The following TAC4 variants were observed in gnomAD, a reference collection of about 807,000 sequenced individuals.
TAC4 encodes tachykinin-4.
TAC4 carries 17 observed loss-of-function variants against 17.7 expected under a neutral mutation model. That is an observed-to-expected ratio of 0.96 (90% CI 0.66 to 1.44). TAC4 has a LOEUF of 1.44. Among genes scored for constraint, TAC4 ranks in the 40% most tolerant of loss-of-function variants. TAC4 has a pLI of 0.00. For synonymous variants in TAC4, 62 were observed against 52.4 expected, an observed-to-expected ratio of 1.18 and a Z score of -0.79; for missense variants, 118 against 125.6, an observed-to-expected ratio of 0.94 and a Z score of 0.29.
At chr17:49,846,898 C>A in intron 1 of TAC4, 1 of 1,218,062 alleles carries the variant, frequency 8.2e-7, no homozygotes, top group Non-Finnish European at 1.1e-6. Context: ...TGGAGAAAAG[C>A]CTTGGGGGGT....
At chr17:49,846,102 G>T (rs147716684) in intron 1 of TAC4, 28 of 735,398 alleles carry the variant, frequency 3.8e-5, no homozygotes, top group East Asian at 1.5e-4. Flanking sequence ...TGTGCCTGGT[G>T]GGGGGGCATT....
Position 49,841,592 on chromosome 17 carries a change from A to G in TAC4, c.200-8T>C. The G allele has an allele frequency of 6.4e-7, 1 of 1,568,156 alleles. No homozygotes were observed. Among genetic ancestry groups the G allele is most frequent in the Non-Finnish European group, 8.6e-7 (1 of 1,158,350 alleles). ...GCTGGATCAGAGGTCTTCCTGGGGG[A>G]AGGAGAAGGAATGAGGACTACGGAC... On this transcript the variant is annotated splice_region_variant and splice_polypyrimidine_tract_variant and intron_variant, in intron 2 of 4. Transcript: ENST00000436235.
Position 49,847,938 on chromosome 17 carries a change from G to A in TAC4, c.80C>T (p.Thr27Ile). 6.2e-7 allele frequency: 1 copy of A among 1,614,162 alleles called. No individual in the cohort carries two copies. Among genetic ancestry groups the A allele is most frequent in the Non-Finnish European group, 8.5e-7 (1 of 1,180,034 alleles). Residue 27 changes from threonine to isoleucine, a missense_variant, in exon 1 of 5, where the codon ACA (threonine) becomes ATA (isoleucine). By Grantham distance (89) the Thr-to-Ile change is moderately conservative (BLOSUM62 -1). Transcript: ENST00000436235. ...CCAGGTCTCTGCTTCAGTGCTGAGT[G>A]TCTGTTCCTCTCCACCATCACCTGC... ...TVAGDGGEEQ[T>I]LSTEAETWEG...
intron 1 of TAC4, chr17:49,847,470 G>T (rs1286205682): frequency 1.3e-5 from 5 of 376,294 alleles, no homozygotes; most frequent in East Asian, 7.4e-5. Context: ...TCAGACCTTG[G>T]GCAAAGTGTG....
intron 2 of TAC4, among the ~76,000 whole-genome samples, chr17:49,842,764 A>G (rs2074508379): frequency 6.6e-6 from 1 of 152,234 alleles, no homozygotes; most frequent in African/African-American, 2.4e-5. Context: ...TCCTTGAAGT[A>G]ACCACTGTTT....
chr17:49,847,700 C>T (rs866564978), intron 1 of TAC4: 2 of 543,190 alleles, frequency 3.7e-6, no homozygotes, highest in Admixed American at 6.2e-5. Context: ...CAGACACACA[C>T]ACACACACAC....
chr17:49,843,625 G>A (rs1448233717), intron 2 of TAC4, among the ~76,000 whole-genome samples: 1 of 152,136 alleles, frequency 6.6e-6, no homozygotes, highest in Non-Finnish European at 1.5e-5. Context: ...ATGGAGTCTC[G>A]CTTTGTCGCC....
chr17:49,847,549 T>G, intron 1 of TAC4: 1 of 343,914 alleles, frequency 2.9e-6, no homozygotes, highest in Non-Finnish European at 5.6e-6. Flanking sequence ...AGTTTCCTTA[T>G]TTGTGAAATG....
intron 4 of TAC4, among the ~76,000 whole-genome samples, chr17:49,838,894 A>T (rs1188754176): frequency 1.3e-5 from 2 of 152,008 alleles, no homozygotes; most frequent in Admixed American, 6.6e-5. Context: ...ACCCTCAGTT[A>T]CCCTCTTTAA....
Position 49,839,868 on chromosome 17 carries a change from T to C in TAC4, c.274A>G (p.Arg92Gly). The C allele has an allele frequency of 6.2e-7, 1 of 1,612,190 alleles. No homozygotes were observed. ...EHTFQGLLGK[R>G]SLFTEGREDE... ...TGCCTACCTTCTGTGAACAGGCTTC[T>C]CTTGCCCAGGAGGCCCTGGAACGTG... is the stretch of plus-strand genomic sequence containing the variant. The change falls in exon 4 of 5, where the codon AGA becomes GGA. Residue 92 changes from arginine to glycine, a missense_variant. Physicochemically the swap from Arg to Gly is moderately radical, Grantham distance 125 (BLOSUM62 -2). Transcript: ENST00000436235.
intron 1 of TAC4, among the ~76,000 whole-genome samples, chr17:49,845,434 G>C (rs191819541): frequency 6.6e-6 from 1 of 152,224 alleles, no homozygotes; most frequent in Non-Finnish European, 1.5e-5. Flanking sequence ...AGTTGAGAGA[G>C]TGACAGTGGG....
chr17:49,846,296 A>C, intron 1 of TAC4: 1 of 1,085,640 alleles, frequency 9.2e-7, no homozygotes, highest in South Asian at 1.3e-5. Flanking sequence ...TTTTTTTTTG[A>C]GACAGGGTCT....
intron 1 of TAC4, chr17:49,846,984 C>T (rs944185889): frequency 3.1e-6 from 4 of 1,289,958 alleles, no homozygotes; most frequent in African/African-American, 1.5e-5. Flanking sequence ...ACACTCCTAG[C>T]CCTGCTGCCC....
In TAC4 at chr17:49,838,547, A is replaced by T; in HGVS notation, c.*95T>A. The T allele has an allele frequency of 6.7e-7, 1 of 1,487,392 alleles. No individual in the cohort carries two copies. Among genetic ancestry groups the T allele is most frequent in the Non-Finnish European group, 9.4e-7 (1 of 1,066,714 alleles). The allele number at this position is 1,487,392 out of a possible 1,614,324, so 92.1% of individuals were successfully genotyped here. A position where few individuals can be genotyped will look rare whatever the true frequency, so the allele number is the denominator to read the frequency against. On this transcript the variant is annotated 3_prime_UTR_variant, in exon 5 of 5. Coordinates refer to ENST00000436235, the MANE Select transcript of TAC4 (RefSeq NM_001077506.2). ...AGTGCCAGCGATGAGGACAGGAGAC[A>T]CAGAGAAGAGAGTTGGCCTGCCGGC...
chr17:49,844,918 G>C (rs2074526359), intron 1 of TAC4, among the ~76,000 whole-genome samples: 1 of 152,184 alleles, frequency 6.6e-6, no homozygotes, highest in Admixed American at 6.5e-5. Flanking sequence ...CCCGGCCCCT[G>C]CATTTTACAG....
chr17:49,846,647 C>T (rs2074542821), intron 1 of TAC4, among the ~76,000 whole-genome samples: 1 of 152,168 alleles, frequency 6.6e-6, no homozygotes, highest in African/African-American at 2.4e-5. Flanking sequence ...AGTCTCCTCC[C>T]ATATTCCAAG....
intron 2 of TAC4, 47 bp downstream of exon 2, chr17:49,844,017 C>T (rs1477341542): frequency 3.8e-6 from 6 of 1,568,278 alleles, no homozygotes; most frequent in Non-Finnish European, 5.3e-6. Flanking sequence ...GTTGCAGAAC[C>T]CACTCAGAAC....
At chr17:49,841,265 T>C (rs1042961448) in intron 3 of TAC4, among the ~76,000 whole-genome samples, 4 of 150,712 alleles carry the variant, frequency 2.7e-5, no homozygotes, top group African/African-American at 7.4e-5. Flanking sequence ...TTTTTTTTTT[T>C]TCTAATTCCA....
intron 1 of TAC4, among the ~76,000 whole-genome samples, chr17:49,844,651 A>G (rs1335929469): frequency 1.3e-5 from 2 of 152,138 alleles, no homozygotes; most frequent in African/African-American, 4.8e-5. Context: ...CCAGCTACTC[A>G]GGAGGCTGAG....
Sources: allele counts gnomAD v4.1 joint callset (sites outside exome capture counted in the v4.1 genomes callset), GRCh38; gene constraint gnomAD v4.1.1; transcripts MANE v1.5; gene names NCBI Gene and HGNC (gene_info 2026-07-23, HGNC 2026-07-21).